Variants in HPSE2 observed in about 807,000 individuals in gnomAD.
HPSE2 encodes the protein inactive heparanase-2.
Under a neutral mutation model 60.5 loss-of-function variants are expected in HPSE2, and 38 were observed. The ratio of observed to expected loss-of-function variants is 0.63; its 90% CI spans 0.48 to 0.82. The LOEUF is 0.82. Ranked by LOEUF, HPSE2 falls within the 40% of genes least tolerant of loss-of-function variation. HPSE2 has a pLI of 0.00. For synonymous variants in HPSE2, 295 were observed against 293.2 expected (o/e 1.01, Z -0.06); for missense variants, 713 against 740.4 (o/e 0.96, Z 0.43).
chr10:99,239,765 C>G (rs1432610009), upstream of HPSE2, among the ~76,000 whole-genome samples: 6 of 151,694 alleles, frequency 4.0e-5, no homozygotes, highest in Non-Finnish European at 7.4e-5. Flanking sequence ...TAGTAAGGAC[C>G]TTAATAAAAA....
chr10:99,091,725 A>C (rs1296703932), intron 3 of HPSE2, among the ~76,000 whole-genome samples: 1 of 152,128 alleles, frequency 6.6e-6, no homozygotes, highest in Non-Finnish European at 1.5e-5. Context: ...TTACTCTTTT[A>C]TGGGGGCATG....
At chr10:99,002,240 A>G (rs1370242465) in intron 3 of HPSE2, among the ~76,000 whole-genome samples, 1 of 152,170 alleles carries the variant, frequency 6.6e-6, no homozygotes, top group African/African-American at 2.4e-5. Flanking sequence ...ATGGGGAGAA[A>G]AGACAAATAT....
At chr10:98,556,862 A>C (rs1368972204) in intron 9 of HPSE2, among the ~76,000 whole-genome samples, 2 of 152,240 alleles carry the variant, frequency 1.3e-5, no homozygotes, top group African/African-American at 2.4e-5. Context: ...GTAATCTTGA[A>C]GAAAATCAAA....
rs184563620 is a variant in HPSE2 at position 98,579,935 on chromosome 10, C to T, written c.1320+34969G>A. ...TCCTGGAGTCCTCCATTCTTTTGCT[C>T]CAATCTGGACTATCTGCACTGTTAA... is the stretch of plus-strand genomic sequence containing the variant. On this transcript the variant is annotated intron_variant, in intron 9 of 11. Coordinates refer to ENST00000370552, the MANE Select transcript of HPSE2 (RefSeq NM_021828.5). 2.8e-4 allele frequency among the ~76,000 whole-genome samples: 42 copies of T among 152,320 alleles called. No homozygotes were observed. In the Middle Eastern group the frequency reaches 0.01, roughly 37 times the overall value.
chr10:99,305,979 G>GCGCGCGCACA, the HPSE2 span, among the ~76,000 whole-genome samples: 4 of 80,586 alleles, frequency 5.0e-5, no homozygotes, highest in South Asian at 5.8e-4. Context: ...GCGCGCGCGC[G>GCGCGCGCACA]CACACACACA....
chr10:98,880,668 C>T (rs1021818818), intron 3 of HPSE2, among the ~76,000 whole-genome samples: 6 of 151,990 alleles, frequency 3.9e-5, no homozygotes, highest in African/African-American at 1.4e-4. Context: ...CTTATTTTTA[C>T]ATGGAAATGA....
chr10:99,104,119 C>A (rs1844138111), intron 3 of HPSE2, among the ~76,000 whole-genome samples: 1 of 152,108 alleles, frequency 6.6e-6, no homozygotes, highest in Non-Finnish European at 1.5e-5. Flanking sequence ...GTAACAAAAG[C>A]CAAAATTGAC....
chr10:98,551,425 T>G (rs1469394120), intron 9 of HPSE2, among the ~76,000 whole-genome samples: 1 of 152,196 alleles, frequency 6.6e-6, no homozygotes, highest in African/African-American at 2.4e-5. Context: ...GCTCCCATTT[T>G]CCTTTTATAA....
chr10:99,295,116 A>C, the HPSE2 span, among the ~76,000 whole-genome samples: 1 of 151,880 alleles, frequency 6.6e-6, no homozygotes, highest in East Asian at 1.9e-4. Flanking sequence ...ATTAACAGTA[A>C]TAATAGCCTT....
chr10:98,686,015 A>T (rs1170107908), intron 6 of HPSE2, among the ~76,000 whole-genome samples: 4 of 152,062 alleles, frequency 2.6e-5, no homozygotes, highest in African/African-American at 9.7e-5. Context: ...TTCATTCTTG[A>T]TACTTGCAAT....
At chr10:98,926,671 T>C (rs1446939137) in intron 3 of HPSE2, among the ~76,000 whole-genome samples, 1 of 152,130 alleles carries the variant, frequency 6.6e-6, no homozygotes, top group African/African-American at 2.4e-5. Context: ...TAAATAAGCA[T>C]GAGACATACT....
intron 3 of HPSE2, among the ~76,000 whole-genome samples, chr10:98,995,479 G>A (rs553059187): frequency 1.3e-5 from 2 of 152,036 alleles, no homozygotes; most frequent in African/African-American, 4.8e-5. Flanking sequence ...TCAGTGTCCA[G>A]AAAAACTTAG....
intron 3 of HPSE2, among the ~76,000 whole-genome samples, chr10:98,957,212 C>T (rs1021167649): frequency 3.9e-5 from 6 of 152,160 alleles, no homozygotes; most frequent in Non-Finnish European, 8.8e-5. Context: ...TGTCTTTACA[C>T]TAAAAGCATG....
At chr10:98,942,424 A>G (rs1242492359) in intron 3 of HPSE2, among the ~76,000 whole-genome samples, 2 of 150,106 alleles carry the variant, frequency 1.3e-5, no homozygotes, top group Non-Finnish European at 2.9e-5. Flanking sequence ...GGCAAAGGAC[A>G]TGAACAGACA....
chr10:98,644,791 T>C (rs1946724981), intron 6 of HPSE2, among the ~76,000 whole-genome samples: 1 of 152,190 alleles, frequency 6.6e-6, no homozygotes, highest in Middle Eastern at 3.2e-3. Flanking sequence ...ATGTGATACA[T>C]GGGAGATGAA....
chr10:99,026,637 C>T (rs540222486), intron 3 of HPSE2, among the ~76,000 whole-genome samples: 4 of 152,138 alleles, frequency 2.6e-5, no homozygotes, highest in African/African-American at 9.6e-5. Flanking sequence ...GAGATATTTA[C>T]AGAACATTTT....
At chr10:98,908,339 A>G (rs1953880594) in intron 3 of HPSE2, among the ~76,000 whole-genome samples, 1 of 152,216 alleles carries the variant, frequency 6.6e-6, no homozygotes, top group Non-Finnish European at 1.5e-5. Flanking sequence ...TAGAATATTT[A>G]CTAATATAAA....
At chr10:99,257,035 T>C in the HPSE2 span, among the ~76,000 whole-genome samples, 1 of 152,252 alleles carries the variant, frequency 6.6e-6, no homozygotes, top group African/African-American at 2.4e-5. Flanking sequence ...TCTCTGAACA[T>C]AAATTGTGAA....
chr10:99,041,083 T>C (rs2135474916), intron 3 of HPSE2, among the ~76,000 whole-genome samples: 1 of 146,164 alleles, frequency 6.8e-6, no homozygotes, highest in South Asian at 2.3e-4. Context: ...CGAGACTCCA[T>C]CTCAAAAAAA....
Sources: allele counts gnomAD v4.1 joint callset (sites outside exome capture counted in the v4.1 genomes callset), GRCh38; gene constraint gnomAD v4.1.1; transcripts MANE v1.5; gene names NCBI Gene and HGNC (gene_info 2026-07-23, HGNC 2026-07-21).